The following KAZN variants were observed in gnomAD, a reference collection of about 807,000 sequenced individuals.
KAZN encodes kazrin.
KAZN carries 40 observed loss-of-function variants against 87.4 expected under a neutral mutation model. The ratio of observed to expected loss-of-function variants is 0.46; its 90% confidence interval spans 0.36 to 0.60. KAZN has a LOEUF of 0.60. KAZN is among the 20% of genes least tolerant of loss of function. The pLI, the probability that KAZN is intolerant of heterozygous loss-of-function variation, is 0.00. For synonymous variants in KAZN, 466 were observed against 458.3 expected, an observed-to-expected ratio of 1.02 and a Z score of -0.22; for missense variants, 898 against 1,073.9, an observed-to-expected ratio of 0.84 and a Z score of 2.29.
intron 1 of KAZN, among the ~76,000 whole-genome samples, chr1:14,039,157 G>A (rs1301010454): frequency 7.4e-6 from 1 of 135,142 alleles, no homozygotes; most frequent in Non-Finnish European, 1.5e-5. Flanking sequence ...GCGTCAGAGT[G>A]AGACTCTGTC....
At chr1:14,736,224 T>TG (rs1353619670) in intron 1 of KAZN, among the ~76,000 whole-genome samples, 2 of 148,422 alleles carry the variant, frequency 1.3e-5, no homozygotes, top group African/African-American at 4.9e-5. Context: ...CCTGGGCCCC[T>TG]GGCCTGTTGG....
At chr1:14,622,617 G>C (rs1484407373) in intron 1 of KAZN, among the ~76,000 whole-genome samples, 1 of 150,386 alleles carries the variant, frequency 6.6e-6, no homozygotes, top group East Asian at 2.0e-4. Context: ...CATGAACCTG[G>C]GGGGCGGAGC....
chr1:14,924,513 G>T, intron 1 of KAZN: 1 of 1,003,862 alleles, frequency 1.0e-6, no homozygotes, highest in Non-Finnish European at 1.2e-6. Context: ...GCGGGGCCCG[G>T]CGATCGGCCC....
chr1:14,228,221 G>A (rs1647473356), intron 2 of KAZN, among the ~76,000 whole-genome samples: 1 of 152,156 alleles, frequency 6.6e-6, no homozygotes, highest in Non-Finnish European at 1.5e-5. Context: ...AATGACAGCA[G>A]CAGTGACCAT....
intron 1 of KAZN, among the ~76,000 whole-genome samples, chr1:14,720,728 C>T (rs1572313344): frequency 6.6e-6 from 1 of 152,036 alleles, no homozygotes; most frequent in African/African-American, 2.4e-5. Context: ...GTCACTTTTT[C>T]TTTTTTGAGA....
Position 14,619,921 on chromosome 1 carries a change from T to C in KAZN, c.226+20698T>C, listed in dbSNP as rs113366899. On this transcript the variant is annotated intron_variant, in intron 1 of 14. Coordinates refer to ENST00000376030, the MANE Select transcript of KAZN (RefSeq NM_201628.3). ...TCCAGTGTGTGGCTATACCACATGATATCCATTCATTTATTGATGGGCACG... is the reference window on the plus strand; with the variant it reads ...TCCAGTGTGTGGCTATACCACATGACATCCATTCATTTATTGATGGGCACG... Among the ~76,000 whole-genome samples, 263 of 152,362 alleles carry C rather than the reference T, an allele frequency of 1.7e-3. 2 individuals carry two copies. The highest frequency in any genetic ancestry group is 6.0e-3 in the African/African-American group (249 of 41,582).
At chr1:14,357,109 G>A (rs1438804734) in intron 2 of KAZN, among the ~76,000 whole-genome samples, 1 of 152,104 alleles carries the variant, frequency 6.6e-6, no homozygotes, top group Non-Finnish European at 1.5e-5. Context: ...TTGAGCAGTG[G>A]TTTGTAGTTC....
intron 1 of KAZN, among the ~76,000 whole-genome samples, chr1:14,791,012 G>T (rs1335512898): frequency 2.0e-5 from 3 of 152,268 alleles, no homozygotes; most frequent in African/African-American, 7.2e-5. Flanking sequence ...CCAAGGGAGG[G>T]CAGGCTGGAT....
intron 1 of KAZN, among the ~76,000 whole-genome samples, chr1:14,900,163 C>T (rs1022008935): frequency 3.7e-4 from 57 of 152,146 alleles, no homozygotes; most frequent in African/African-American, 1.3e-3. Context: ...GATGGGGTAG[C>T]TGCTGAGAGA....
chr1:14,286,170 A>G (rs745998631), intron 2 of KAZN, among the ~76,000 whole-genome samples: 3 of 152,192 alleles, frequency 2.0e-5, no homozygotes, highest in Non-Finnish European at 2.9e-5. Flanking sequence ...TCCAAGATCA[A>G]GGCATTGGTA....
At chr1:14,506,416 C>A (rs957614546) in intron 2 of KAZN, among the ~76,000 whole-genome samples, 2 of 152,168 alleles carry the variant, frequency 1.3e-5, no homozygotes, top group African/African-American at 4.8e-5. Flanking sequence ...ATCGTTTATA[C>A]CTTTGTCTCT....
chr1:14,715,122 G>A (rs1642721345), intron 1 of KAZN, among the ~76,000 whole-genome samples: 2 of 151,744 alleles, frequency 1.3e-5, no homozygotes, highest in Admixed American at 6.6e-5. Flanking sequence ...GTAAGAGACA[G>A]GGTCTCACTC....
chr1:14,452,988 C>A (rs906839142), intron 2 of KAZN, among the ~76,000 whole-genome samples: 1 of 152,144 alleles, frequency 6.6e-6, no homozygotes, highest in African/African-American at 2.4e-5. Flanking sequence ...TGGAGTCTCC[C>A]TCTGTCACCC....
At chr1:14,627,343 G>C (rs1053867899) in intron 1 of KAZN, among the ~76,000 whole-genome samples, 20 of 152,022 alleles carry the variant, frequency 1.3e-4, no homozygotes, top group Admixed American at 1.2e-3. Context: ...TCTGTAGCTG[G>C]GGCCCAGCAA....
At chr1:14,255,078 C>G (rs1035246494) in intron 2 of KAZN, among the ~76,000 whole-genome samples, 1 of 147,100 alleles carries the variant, frequency 6.8e-6, no homozygotes, top group African/African-American at 2.5e-5. Context: ...TGAGATTGCG[C>G]CACTGCACTC....
At chr1:14,215,040 T>G (rs2100469572) in intron 2 of KAZN, among the ~76,000 whole-genome samples, 1 of 152,374 alleles carries the variant, frequency 6.6e-6, no homozygotes, top group South Asian at 2.1e-4. Context: ...TGCCTGCATT[T>G]CTTTCATAAA....
chr1:14,501,119 AT>A (rs1670223801), intron 2 of KAZN, among the ~76,000 whole-genome samples: 1 of 149,366 alleles, frequency 6.7e-6, no homozygotes, highest in Non-Finnish European at 1.5e-5. Context: ...AAATAAATAA[AT>A]AAATAAATAA....
chr1:14,348,053 T>TTTTTA (rs1443755958), intron 2 of KAZN, among the ~76,000 whole-genome samples: 4 of 144,770 alleles, frequency 2.8e-5, no homozygotes, highest in Non-Finnish European at 4.6e-5. Context: ...CCTGGCTAAT[T>TTTTTA]TTTTTTTTTT....
At chr1:14,882,222 G>C (rs1365939201) in intron 1 of KAZN, among the ~76,000 whole-genome samples, 1 of 152,214 alleles carries the variant, frequency 6.6e-6, no homozygotes, top group Non-Finnish European at 1.5e-5. Context: ...AGGGTTGTTA[G>C]AGCGTGAGCT....
Sources: gnomAD v4.1 joint callset for allele counts (sites outside exome capture counted in the v4.1 genomes callset) on GRCh38, gnomAD v4.1.1 for gene constraint, MANE v1.5 for transcripts, NCBI Gene and HGNC (gene_info 2026-07-23, HGNC 2026-07-21) for gene names.